The following CACNB4 variants were observed in gnomAD, a reference collection of about 807,000 sequenced individuals.
CACNB4 encodes the protein voltage-dependent L-type calcium channel subunit beta-4.
A neutral mutation model predicts 71.2 loss-of-function variants in CACNB4; 32 were observed. The observed-to-expected ratio is 0.45, with a 90% confidence interval of 0.34 to 0.60. CACNB4 has a LOEUF of 0.60. Among genes scored for constraint, CACNB4 ranks in the 20% least tolerant of loss-of-function variants. CACNB4 has a pLI of 0.01. For missense variants in CACNB4, 464 were observed against 647.9 expected (o/e 0.72, Z 3.08); for synonymous variants, 231 against 236.9 (o/e 0.97, Z 0.23).
intron 2 of CACNB4, among the ~76,000 whole-genome samples, chr2:151,928,199 A>G (rs536970467): frequency 5.6e-4 from 86 of 152,386 alleles, no homozygotes; most frequent in African/African-American, 2.0e-3. Flanking sequence ...AGCAAATGAT[A>G]GTCATGTATT....
intron 2 of CACNB4, among the ~76,000 whole-genome samples, chr2:151,977,272 C>A (rs11885064): frequency 0.059 from 9,022 of 152,212 alleles, 858 homozygotes; most frequent in African/African-American, 0.21. Flanking sequence ...TCAAAAAAAG[C>A]CCTATGAAAA....
intron 10 of CACNB4, chr2:151,858,832 A>AT (rs1025858834): frequency 9.8e-5 from 15 of 152,352 alleles, no homozygotes; most frequent in African/African-American, 3.1e-4. Flanking sequence ...CCTGCCTTGA[A>AT]GAACCAGCTC....
intron 2 of CACNB4, among the ~76,000 whole-genome samples, chr2:152,062,076 G>A (rs1237923410): frequency 6.7e-6 from 1 of 150,172 alleles, no homozygotes; most frequent in Admixed American, 6.6e-5. Flanking sequence ...TGGATTTCCT[G>A]ATACCCTGAG....
chr2:151,902,916 C>T (rs1051194498), intron 2 of CACNB4, among the ~76,000 whole-genome samples: 11 of 152,218 alleles, frequency 7.2e-5, no homozygotes, highest in African/African-American at 1.7e-4. Flanking sequence ...TTGCTACTAT[C>T]GGGTTAAAAT....
intron 2 of CACNB4, among the ~76,000 whole-genome samples, chr2:152,084,387 A>C (rs1415462472): frequency 6.6e-6 from 1 of 152,346 alleles, no homozygotes; most frequent in South Asian, 2.1e-4. Context: ...TGAGGAAGGC[A>C]CAGCTCCTGC....
chr2:152,035,109 A>T (rs1465673604), intron 2 of CACNB4, among the ~76,000 whole-genome samples: 1 of 152,238 alleles, frequency 6.6e-6, no homozygotes, highest in Non-Finnish European at 1.5e-5. Context: ...AAGGAAAGTG[A>T]CGTTCAGTGA....
rs559227820 is a variant in CACNB4 at position 151,887,946 on chromosome 2, CT to C, written c.148-4577del. On this transcript the variant is annotated intron_variant, in intron 2 of 13. Coordinates refer to ENST00000539935, the MANE Select transcript of CACNB4 (RefSeq NM_000726.5). ...AGAGTTTTAGGATTTATATATTGTT[CT>C]TTTTTTAAAAAAATGGCTTTATTGA... Among the ~76,000 whole-genome samples, 740 of 151,700 alleles carry C rather than the reference CT, an allele frequency of 4.9e-3. 10 individuals are homozygous for C. The highest frequency in any genetic ancestry group is 5.1e-3 in the Non-Finnish European group (347 of 67,748).
chr2:151,984,992 A>C (rs10930873), intron 2 of CACNB4, among the ~76,000 whole-genome samples: 90,398 of 152,014 alleles, frequency 0.59, 28,147 homozygotes, highest in South Asian at 0.75. Flanking sequence ...TCGATTCCCC[A>C]ATTTATGAGA....
intron 2 of CACNB4, among the ~76,000 whole-genome samples, chr2:152,069,929 G>A (rs1289333595): frequency 1.4e-5 from 2 of 142,194 alleles, no homozygotes; most frequent in Non-Finnish European, 3.0e-5. Context: ...TGCAAGCTCT[G>A]CCTCCCGGGT....
Position 152,098,958 on chromosome 2 carries a change from G to C in CACNB4, c.54C>G (p.Pro18=). ...GAGGAGGGGGCGGTACCTGCGAGGT[G>C]GGGGAGTGCGGCCCGTCCGCGGTCC... ...KNGTADGPHS[P]TSQVARGTTT... Residue 18 remains proline (P), a synonymous_variant, in exon 1 of 14, where the codon CCC becomes CCG. Coordinates refer to ENST00000539935, the MANE Select transcript of CACNB4 (RefSeq NM_000726.5). The surrounding 1 kb of genome is among the most constrained non-coding windows in gnomAD (Gnocchi z 5.3). 2 of 1,522,486 alleles carry C rather than the reference G, an allele frequency of 1.3e-6. No homozygotes were observed. Among genetic ancestry groups the C allele is most frequent in the Non-Finnish European group, 1.8e-6 (2 of 1,136,010 alleles). The allele number at this position is 1,522,486 out of a possible 1,614,324, so 94.3% of individuals were successfully genotyped here. A position where few individuals can be genotyped will look rare whatever the true frequency, so the allele number is the denominator to read the frequency against.
intron 2 of CACNB4, among the ~76,000 whole-genome samples, chr2:151,942,104 C>T (rs1395644270): frequency 6.7e-6 from 1 of 149,816 alleles, no homozygotes; most frequent in Non-Finnish European, 1.5e-5. Context: ...AAAACACAAA[C>T]TGTGTGAACA....
chr2:151,839,229 A>G lies in CACNB4; in HGVS notation c.1453T>C (p.Tyr485His), dbSNP rs760221470. ...GGGTAATCTTCTTCCACAAGAGGGT[A>G]ATGATCTCGGCTATGCTGAGAACTG... Reference protein sequence around the residue: ...SSSSQHSRDHYPLVEEDYPDS... With the variant: ...SSSSQHSRDHHPLVEEDYPDS... Residue 485 changes from tyrosine to histidine, a missense_variant, in exon 14 of 14, where the codon TAC (tyrosine) becomes CAC (histidine). By Grantham distance (83) the Tyr-to-His change is moderately conservative (BLOSUM62 2). Transcript: ENST00000539935. 2 of 1,613,400 alleles carry G rather than the reference A, an allele frequency of 1.2e-6. No individual in the cohort carries two copies. Among genetic ancestry groups the G allele is most frequent in the East Asian group, 2.2e-5 (1 of 44,868 alleles).
chr2:151,849,301 C>T lies in CACNB4; in HGVS notation c.1116+4147G>A, dbSNP rs541963936. ...TTTAAGAGACAATGTCTCACTCTGT[C>T]GGGTAGAGTGCAGTGGCATAATCCT... On this transcript the variant is annotated intron_variant, in intron 12 of 13. Coordinates refer to ENST00000539935, the MANE Select transcript of CACNB4 (RefSeq NM_000726.5). 2.0e-5 allele frequency among the ~76,000 whole-genome samples: 3 copies of T among 152,222 alleles called. No individual in the cohort carries two copies. In the East Asian group the frequency reaches 5.8e-4, roughly 29 times the overall value.
chr2:152,070,618 C>T (rs910224829), intron 2 of CACNB4, among the ~76,000 whole-genome samples: 2 of 152,056 alleles, frequency 1.3e-5, no homozygotes, highest in African/African-American at 2.4e-5. Context: ...ATGCTGTTGA[C>T]CCCTAAGTGA....
rs116968808 is a variant in CACNB4 at position 151,979,018 on chromosome 2, C to T, written c.148-95648G>A. ...TTCCTCTGTACCTGGGTGTACCCAG[C>T]GCTCTCCCACTGGCCTCCTCAATTG... On this transcript the variant is annotated intron_variant, in intron 2 of 13. Coordinates refer to ENST00000539935, the MANE Select transcript of CACNB4 (RefSeq NM_000726.5). Among the ~76,000 whole-genome samples the T allele has an allele frequency of 5.7e-4, 87 of 152,202 alleles. No individual in the cohort carries two copies. In the East Asian group the frequency reaches 0.013, roughly 23 times the overall value.
At chr2:151,962,046 C>G (rs777021973) in intron 2 of CACNB4, among the ~76,000 whole-genome samples, 2 of 152,216 alleles carry the variant, frequency 1.3e-5, no homozygotes, top group African/African-American at 2.4e-5. Flanking sequence ...GCATGGCTAA[C>G]CGGTAAGCTC....
intron 2 of CACNB4, among the ~76,000 whole-genome samples, chr2:152,071,729 T>C (rs1379682227): frequency 8.5e-5 from 13 of 152,232 alleles, no homozygotes; most frequent in Non-Finnish European, 1.6e-4. Context: ...GCAATTATAG[T>C]GTGGAAGTAC....
At chr2:151,880,949 A>G (rs1315618390) in intron 3 of CACNB4, 27 bp from the exon 4 acceptor site, 2 of 1,581,128 alleles carry the variant, frequency 1.3e-6, no homozygotes, top group Non-Finnish European at 1.7e-6. Flanking sequence ...GGAATAAGGA[A>G]TGAGGAAGGG....
At chr2:152,028,039 G>C (rs1684074699) in intron 2 of CACNB4, among the ~76,000 whole-genome samples, 1 of 151,972 alleles carries the variant, frequency 6.6e-6, no homozygotes, top group Admixed American at 6.6e-5. Flanking sequence ...TAAATTTTAG[G>C]TCAGAGGTTG....
Sources: allele counts gnomAD v4.1 joint callset (sites outside exome capture counted in the v4.1 genomes callset), GRCh38; gene constraint gnomAD v4.1.1; non-coding constraint Gnocchi (gnomAD v3.1); transcripts MANE v1.5; gene names NCBI Gene and HGNC (gene_info 2026-07-23, HGNC 2026-07-21).